Variants in CDH20 observed in about 807,000 individuals in gnomAD.
CDH20 encodes cadherin-20.
A neutral mutation model predicts 74.2 loss-of-function variants in CDH20; 29 were observed. The observed-to-expected ratio is 0.39, with a 90% confidence interval of 0.29 to 0.53. The LOEUF (loss-of-function observed/expected upper bound fraction) is 0.53. Among genes scored for constraint, CDH20 ranks in the 20% least tolerant of loss-of-function variants. The probability of loss-of-function intolerance (pLI) is 0.69; values close to 1 mark genes in which losing one functional copy is unlikely to be tolerated. For synonymous variants in CDH20, 469 were observed against 405.4 expected (o/e 1.16, Z -1.88); for missense variants, 988 against 1,048.3 (o/e 0.94, Z 0.79).
intron 1 of CDH20, among the ~76,000 whole-genome samples, chr18:61,440,669 G>A (rs577357266): frequency 4.5e-4 from 69 of 152,262 alleles, no homozygotes; most frequent in Non-Finnish European, 1.5e-4. Flanking sequence ...TCTTGGCTAG[G>A]CGTCTCAACG....
chr18:61,341,633 A>G (rs896215201), intron 1 of CDH20, among the ~76,000 whole-genome samples: 1 of 152,186 alleles, frequency 6.6e-6, no homozygotes, highest in East Asian at 1.9e-4. Context: ...TCATTACCTC[A>G]TTGAAAGCAA....
At chr18:61,539,170 C>T (rs552118413) in intron 9 of CDH20, 25 bp downstream of exon 9, 32 of 1,610,788 alleles carry the variant, frequency 2.0e-5, no homozygotes, top group Non-Finnish European at 2.5e-5. Context: ...GGGTGGTGCA[C>T]TCTGCTTAAC....
intron 1 of CDH20, among the ~76,000 whole-genome samples, chr18:61,340,600 T>C (rs1909916936): frequency 1.3e-5 from 2 of 152,226 alleles, no homozygotes; most frequent in South Asian, 4.1e-4. Context: ...GTATTATACA[T>C]ATATTTATAC....
At chr18:61,527,942 C>A (rs764558350) in intron 6 of CDH20, 25 bp from the exon 7 acceptor site, 2 of 1,612,502 alleles carry the variant, frequency 1.2e-6, no homozygotes, top group South Asian at 1.1e-5. Context: ...AGTGGCGAAT[C>A]AATTTTCCTG....
chr18:61,452,347 G>GT (rs1475753721), intron 1 of CDH20, among the ~76,000 whole-genome samples: 1 of 152,150 alleles, frequency 6.6e-6, no homozygotes, highest in African/African-American at 2.4e-5. Flanking sequence ...CAAAAACTAA[G>GT]TTAAAAAGAG....
At chr18:61,483,680 A>G (rs577309339) in intron 1 of CDH20, among the ~76,000 whole-genome samples, 1 of 152,330 alleles carries the variant, frequency 6.6e-6, no homozygotes, top group East Asian at 1.9e-4. Context: ...GGAAAAGGAA[A>G]CCAATATTTA....
chr18:61,439,387 C>T (rs1044018111), intron 1 of CDH20, among the ~76,000 whole-genome samples: 1 of 152,002 alleles, frequency 6.6e-6, no homozygotes, highest in Non-Finnish European at 1.5e-5. Context: ...TAAATGGACA[C>T]TGTTCAAGGA....
intron 1 of CDH20, among the ~76,000 whole-genome samples, chr18:61,373,374 T>C (rs1291787099): frequency 6.6e-6 from 1 of 152,028 alleles, no homozygotes; most frequent in Non-Finnish European, 1.5e-5. Flanking sequence ...AATAATAGAT[T>C]ATATGTATTT....
chr18:61,538,563 C>T (rs1912887836), intron 8 of CDH20, among the ~76,000 whole-genome samples: 1 of 150,142 alleles, frequency 6.7e-6, no homozygotes, highest in African/African-American at 2.4e-5. Context: ...TCCAGACTCA[C>T]CAAGTAAATA....
chr18:61,550,956 A>C (rs2144413034), intron 11 of CDH20, among the ~76,000 whole-genome samples: 1 of 152,250 alleles, frequency 6.6e-6, no homozygotes, highest in Admixed American at 6.5e-5. Context: ...TGATTAGTAC[A>C]CCTCCTAGGC....
At chr18:61,375,750 A>C (rs1005214918) in intron 1 of CDH20, among the ~76,000 whole-genome samples, 1 of 152,058 alleles carries the variant, frequency 6.6e-6, no homozygotes, top group Admixed American at 6.6e-5. Flanking sequence ...TTAACAGGAT[A>C]CCATATGCCA....
At chr18:61,482,161 AAGC>A (rs1910611248) in intron 1 of CDH20, among the ~76,000 whole-genome samples, 1 of 152,126 alleles carries the variant, frequency 6.6e-6, no homozygotes, top group Non-Finnish European at 1.5e-5. Flanking sequence ...CTCTAAGAAA[AAGC>A]AGCTCACATT....
At chr18:61,355,899 A>C (rs1303810075) in intron 1 of CDH20, among the ~76,000 whole-genome samples, 1 of 152,238 alleles carries the variant, frequency 6.6e-6, no homozygotes, top group Non-Finnish European at 1.5e-5. Flanking sequence ...AAGAGATAAA[A>C]GTATACTATT....
intron 9 of CDH20, among the ~76,000 whole-genome samples, chr18:61,544,412 G>C (rs920641016): frequency 2.0e-5 from 3 of 152,242 alleles, no homozygotes; most frequent in Non-Finnish European, 4.4e-5. Flanking sequence ...GTGACAGCCT[G>C]AGTTCTTGCC....
chr18:61,456,764 T>C (rs1255869862), intron 1 of CDH20, among the ~76,000 whole-genome samples: 1 of 152,192 alleles, frequency 6.6e-6, no homozygotes, highest in Non-Finnish European at 1.5e-5. Context: ...AAACATTTAT[T>C]TCTCACAGTT....
At chr18:61,528,539 T>C (rs559491717) in intron 7 of CDH20, among the ~76,000 whole-genome samples, 6 of 151,760 alleles carry the variant, frequency 4.0e-5, no homozygotes, top group Admixed American at 3.3e-4. Context: ...TTCTGTGTTG[T>C]TGTGGAGGGG....
At chr18:61,476,507 G>T (rs1277726687) in intron 1 of CDH20, among the ~76,000 whole-genome samples, 2 of 152,140 alleles carry the variant, frequency 1.3e-5, no homozygotes, top group African/African-American at 4.8e-5. Context: ...ACTACATTTT[G>T]AGGTGATTTA....
chr18:61,411,590 A>G (rs1477834906), intron 1 of CDH20, among the ~76,000 whole-genome samples: 115 of 484 alleles, frequency 0.24, 1 homozygote, highest in African/African-American at 0.31. Flanking sequence ...GTATATATAT[A>G]TATATATATA....
At chr18:61,536,415 G>C in intron 7 of CDH20, 78 bp from the exon 8 acceptor site, 1 of 1,108,616 alleles carries the variant, frequency 9.0e-7, no homozygotes, top group South Asian at 1.5e-5. Flanking sequence ...CATATGGTAG[G>C]CACTCAGTTG....
Sources: gnomAD v4.1 joint callset for allele counts (sites outside exome capture counted in the v4.1 genomes callset) on GRCh38, gnomAD v4.1.1 for gene constraint, MANE v1.5 for transcripts, NCBI Gene and HGNC (gene_info 2026-07-23, HGNC 2026-07-21) for gene names.